LRRC37A2: variants seen among roughly 807,000 people sequenced by gnomAD.
The protein encoded by LRRC37A2 is leucine rich repeat containing 37 member A2.
LRRC37A2 carries 9 observed loss-of-function variants against 68.8 expected under a neutral mutation model. The ratio of observed to expected loss-of-function variants is 0.13; its 90% CI spans 0.08 to 0.23. The LOEUF is 0.23. Ranked by LOEUF, LRRC37A2 falls within the 10% of genes least tolerant of loss-of-function variation. The pLI, the probability that LRRC37A2 is intolerant of heterozygous loss-of-function variation, is 1.00. For synonymous variants in LRRC37A2, 63 were observed against 367.6 expected (o/e 0.17, Z 9.48); for missense variants, 168 against 950.4 (o/e 0.18, Z 10.82).
chr17:46,558,123 G>A (rs1240508151), downstream of LRRC37A2, among the ~76,000 whole-genome samples: 4 of 128,734 alleles, frequency 3.1e-5, 1 homozygote, highest in South Asian at 2.3e-4. Flanking sequence ...GCAATGGCAC[G>A]ATCTCAGCTC....
the LRRC37A2 span, among the ~76,000 whole-genome samples, chr17:46,708,272 G>A: frequency 1.2e-4 from 18 of 152,102 alleles, no homozygotes; most frequent in Non-Finnish European, 2.1e-4. Context: ...CCACCATACC[G>A]TTTTCCACGG....
the LRRC37A2 span, among the ~76,000 whole-genome samples, chr17:46,860,393 A>G: frequency 2.6e-5 from 4 of 152,302 alleles, no homozygotes; most frequent in Non-Finnish European, 5.9e-5. Flanking sequence ...TGGCATCAGC[A>G]TGAGCAGGAT....
chr17:46,994,252 G>T, the LRRC37A2 span, among the ~76,000 whole-genome samples: 1 of 152,098 alleles, frequency 6.6e-6, no homozygotes, highest in African/African-American at 2.4e-5. Flanking sequence ...AGGTGTGGTG[G>T]GGGGCGCCTG....
chr17:46,816,127 A>ACACACG, the LRRC37A2 span, among the ~76,000 whole-genome samples: 405 of 128,438 alleles, frequency 3.2e-3, 3 homozygotes, highest in East Asian at 0.038. Context: ...ACACACACAC[A>ACACACG]CACTCACACA....
At chr17:46,949,391 C>A in the LRRC37A2 span, 1 of 152,136 alleles carries the variant, frequency 6.6e-6, no homozygotes, top group Non-Finnish European at 1.5e-5. Context: ...TGTGTACTTT[C>A]TATGACCAAG....
the LRRC37A2 span, among the ~76,000 whole-genome samples, chr17:46,983,894 GT>G: frequency 2.6e-5 from 4 of 152,296 alleles, no homozygotes; most frequent in African/African-American, 9.6e-5. Context: ...GGCTTCCAAG[GT>G]GACCCCTTAC....
At chr17:46,780,033 A>G in the LRRC37A2 span, among the ~76,000 whole-genome samples, 1 of 152,238 alleles carries the variant, frequency 6.6e-6, no homozygotes, top group African/African-American at 2.4e-5. Context: ...CTGGGATTAC[A>G]GGCGTAAGCC....
chr17:46,929,842 C>A, the LRRC37A2 span: 11 of 475,400 alleles, frequency 2.3e-5, no homozygotes, highest in South Asian at 9.1e-5. Context: ...CGCTTGCCTC[C>A]ATCTATCTTA....
chr17:46,875,382 G>T, the LRRC37A2 span: 3 of 1,576,942 alleles, frequency 1.9e-6, no homozygotes, highest in Middle Eastern at 1.7e-4. Context: ...CATGTCCCTG[G>T]CTGCCCGCAG....
At chr17:46,779,101 A>ACACACACACACACACACC in the LRRC37A2 span, among the ~76,000 whole-genome samples, 2 of 139,976 alleles carry the variant, frequency 1.4e-5, no homozygotes, top group Non-Finnish European at 3.0e-5. Flanking sequence ...ACACACACAC[A>ACACACACACACACACACC]CACCCCAGCC....
chr17:46,911,777 A>C, the LRRC37A2 span, among the ~76,000 whole-genome samples: 1 of 152,190 alleles, frequency 6.6e-6, no homozygotes, highest in Non-Finnish European at 1.5e-5. Context: ...CCAGCTACTC[A>C]GGAGGCTGAG....
the LRRC37A2 span, among the ~76,000 whole-genome samples, chr17:46,738,298 T>C: frequency 3.3e-5 from 5 of 152,150 alleles, no homozygotes; most frequent in African/African-American, 4.8e-5. Context: ...TGTGTACTTA[T>C]CTTAGGCTTC....
chr17:46,721,657 A>C, the LRRC37A2 span: 1 of 1,602,422 alleles, frequency 6.2e-7, no homozygotes, highest in Non-Finnish European at 8.5e-7. Flanking sequence ...AAAAAGTTTC[A>C]ACCTTGTGTT....
chr17:46,469,792 C>A, the LRRC37A2 span, among the ~76,000 whole-genome samples: 3 of 63,436 alleles, frequency 4.7e-5, 1 homozygote, highest in African/African-American at 1.7e-4. Flanking sequence ...TGTCAGTCTT[C>A]CACCCTACAT....
chr17:46,841,400 C>T, the LRRC37A2 span, among the ~76,000 whole-genome samples: 1 of 152,258 alleles, frequency 6.6e-6, no homozygotes, highest in Middle Eastern at 3.4e-3. Context: ...AGTCATGCAT[C>T]GATATTCATC....
At chr17:46,502,593 C>T in the LRRC37A2 span, among the ~76,000 whole-genome samples, 1 of 151,398 alleles carries the variant, frequency 6.6e-6, no homozygotes, top group East Asian at 1.9e-4. Flanking sequence ...TGAGCCACTG[C>T]TCCTGGCCTT....
chr17:46,718,067 C>T, the LRRC37A2 span, among the ~76,000 whole-genome samples: 21 of 152,182 alleles, frequency 1.4e-4, no homozygotes, highest in Admixed American at 1.4e-3. Flanking sequence ...ACCAGTAATG[C>T]CCCACAGACC....
the LRRC37A2 span, among the ~76,000 whole-genome samples, chr17:46,845,973 C>CAG: frequency 6.6e-6 from 1 of 151,850 alleles, no homozygotes; most frequent in Non-Finnish European, 1.5e-5. Context: ...GTATTTTCAG[C>CAG]AGAGATGGGG....
At chr17:46,983,420 G>A in the LRRC37A2 span, among the ~76,000 whole-genome samples, 11 of 149,160 alleles carry the variant, frequency 7.4e-5, no homozygotes, top group African/African-American at 9.9e-5. Context: ...TCAGCCTCCC[G>A]AGTAGCTGGG....
Sources: allele counts gnomAD v4.1 joint callset (sites outside exome capture counted in the v4.1 genomes callset), GRCh38; gene constraint gnomAD v4.1.1; transcripts MANE v1.5; gene names NCBI Gene and HGNC (gene_info 2026-07-23, HGNC 2026-07-21).